MTCL3: variants seen among roughly 807,000 people sequenced by gnomAD.
MTCL3 encodes the protein MTCL family member 3, also known as microtubule cross-linking factor 3.
the MTCL3 span, among the ~76,000 whole-genome samples, chr6:127,499,905 C>T: frequency 6.6e-6 from 1 of 152,160 alleles, no homozygotes; most frequent in African/African-American, 2.4e-5. Context: ...TAGGCAGTAG[C>T]TAAGTCCCCT....
the MTCL3 span, among the ~76,000 whole-genome samples, chr6:127,516,872 A>T: frequency 6.6e-6 from 1 of 152,220 alleles, no homozygotes; most frequent in East Asian, 1.9e-4. Context: ...CATTTTGCCC[A>T]GGGTGGCGCT....
chr6:127,514,852 G>T, the MTCL3 span: 4 of 1,613,310 alleles, frequency 2.5e-6, no homozygotes. Context: ...CTGCGCAACA[G>T]CTCCCCGTCG....
At chr6:127,504,816 T>C in the MTCL3 span, among the ~76,000 whole-genome samples, 1 of 152,098 alleles carries the variant, frequency 6.6e-6, no homozygotes, top group East Asian at 1.9e-4. Flanking sequence ...AAAAATAAAT[T>C]TCAATAATAA....
At chr6:127,482,805 T>C in the MTCL3 span, 1 of 781,680 alleles carries the variant, frequency 1.3e-6, no homozygotes, top group Non-Finnish European at 1.9e-6. The surrounding 1 kb of genome is among the most constrained non-coding windows in gnomAD (Gnocchi z 4.1). Flanking sequence ...AATTTGACTT[T>C]GTTTTGCATA....
At chr6:127,508,683 C>T in the MTCL3 span, among the ~76,000 whole-genome samples, 22 of 152,292 alleles carry the variant, frequency 1.4e-4, no homozygotes, top group South Asian at 4.1e-3. Context: ...TTCTCATCAT[C>T]ATCATCTTAC....
At chr6:127,497,809 G>A in the MTCL3 span, among the ~76,000 whole-genome samples, 9 of 152,256 alleles carry the variant, frequency 5.9e-5, no homozygotes, top group African/African-American at 1.9e-4. Context: ...GAAAAAAGAA[G>A]ATAAAATTGC....
chr6:127,512,528 A>G, the MTCL3 span, among the ~76,000 whole-genome samples: 1 of 152,174 alleles, frequency 6.6e-6, no homozygotes, highest in Non-Finnish European at 1.5e-5. Flanking sequence ...AATTGTAAGT[A>G]ATCTCATGGG....
the MTCL3 span, among the ~76,000 whole-genome samples, chr6:127,493,633 C>T: frequency 6.6e-6 from 1 of 152,174 alleles, no homozygotes; most frequent in Non-Finnish European, 1.5e-5. Context: ...ACCCTTTCTC[C>T]ATCCCATAAG....
the MTCL3 span, among the ~76,000 whole-genome samples, chr6:127,474,310 C>G: frequency 1.3e-5 from 2 of 152,106 alleles, no homozygotes; most frequent in East Asian, 3.9e-4. Context: ...CAGAGTCTCA[C>G]TCTGTCGCCT....
At chr6:127,494,447 A>G in the MTCL3 span, among the ~76,000 whole-genome samples, 1 of 152,224 alleles carries the variant, frequency 6.6e-6, no homozygotes, top group Non-Finnish European at 1.5e-5. Context: ...ACTGACAAAA[A>G]ACTGTAACAG....
At chr6:127,514,518 C>A in the MTCL3 span, among the ~76,000 whole-genome samples, 1 of 152,252 alleles carries the variant, frequency 6.6e-6, no homozygotes, top group African/African-American at 2.4e-5. Context: ...CTGCGCTCTG[C>A]CACGCCCTTG....
the MTCL3 span, chr6:127,516,803 G>C: frequency 1.0e-6 from 1 of 998,244 alleles, no homozygotes; most frequent in Non-Finnish European, 1.4e-6. Flanking sequence ...TAGAAGCTTT[G>C]ACTTTAGGAA....
chr6:127,502,057 A>G, the MTCL3 span, among the ~76,000 whole-genome samples: 1 of 152,234 alleles, frequency 6.6e-6, no homozygotes, highest in Non-Finnish European at 1.5e-5. Flanking sequence ...AGCTCCTATG[A>G]CAGCAATCTT....
chr6:127,489,448 C>T, the MTCL3 span, among the ~76,000 whole-genome samples: 113 of 152,276 alleles, frequency 7.4e-4, 1 homozygote, highest in Non-Finnish European at 1.4e-3. Context: ...AGCTTGGTGA[C>T]GTAGGCATGT....
At chr6:127,480,760 A>G in the MTCL3 span, among the ~76,000 whole-genome samples, 1 of 152,210 alleles carries the variant, frequency 6.6e-6, no homozygotes, top group Non-Finnish European at 1.5e-5. Context: ...CAGTAATACA[A>G]ATATGTGGAT....
At chr6:127,514,687 G>C in the MTCL3 span, 72 of 675,160 alleles carry the variant, frequency 1.1e-4, no homozygotes, top group African/African-American at 1.2e-3. Context: ...CTAGTATTTT[G>C]TGGTTAGCGC....
At chr6:127,487,269 T>G in the MTCL3 span, among the ~76,000 whole-genome samples, 1 of 152,348 alleles carries the variant, frequency 6.6e-6, no homozygotes, top group Admixed American at 6.5e-5. Context: ...CTTATATTAT[T>G]TCTGAGCATA....
At chr6:127,485,706 T>C in the MTCL3 span, among the ~76,000 whole-genome samples, 1 of 152,110 alleles carries the variant, frequency 6.6e-6, no homozygotes, top group Admixed American at 6.5e-5. Context: ...GCCAAACACA[T>C]GTGACTAAGA....
the MTCL3 span, among the ~76,000 whole-genome samples, chr6:127,499,332 A>G: frequency 6.6e-6 from 1 of 152,198 alleles, no homozygotes; most frequent in Admixed American, 6.5e-5. Context: ...CAACACAAGA[A>G]TGAAATTTTG....
Sources: allele counts gnomAD v4.1 joint callset (sites outside exome capture counted in the v4.1 genomes callset), GRCh38; gene constraint gnomAD v4.1.1; non-coding constraint Gnocchi (gnomAD v3.1); transcripts MANE v1.5; gene names NCBI Gene and HGNC (gene_info 2026-07-23, HGNC 2026-07-21).